Variants in CA13 observed in about 807,000 individuals in gnomAD.
CA13 encodes carbonic anhydrase 13, also known as CA-XIII.
CA13 carries 21 observed loss-of-function variants against 31.5 expected under a neutral mutation model. The observed-to-expected ratio is 0.67, with a 90% confidence interval of 0.47 to 0.96. The LOEUF (loss-of-function observed/expected upper bound fraction) is 0.96, where lower values mean the gene tolerates loss of function less well. CA13 is among the 40% of genes least tolerant of loss of function. The pLI is 0.00. For synonymous variants in CA13, 117 were observed against 111.4 expected, an observed-to-expected ratio of 1.05 and a Z score of -0.32; for missense variants, 315 against 318.9, an observed-to-expected ratio of 0.99 and a Z score of 0.09.
chr8:85,282,585 A>G lies in CA13; in HGVS notation c.*1236A>G, dbSNP rs1249509517. On this transcript the variant is annotated 3_prime_UTR_variant, in exon 7 of 7. Coordinates refer to ENST00000321764, the MANE Select transcript of CA13 (RefSeq NM_198584.3). The stretch of plus-strand genomic sequence containing the variant: ...AAAAAATTACTTCAGTCTCATATAA[A>G]TATAGAATGGGTCCATAAACCCTTC... 1 of 152,242 alleles carries G rather than the reference A, an allele frequency of 6.6e-6. No individual in the cohort carries two copies. The allele number at this position is 152,242 out of a possible 1,614,324, so 9.4% of individuals were successfully genotyped here.
intron 6 of CA13, among the ~76,000 whole-genome samples, chr8:85,274,000 C>T (rs1186964376): frequency 5.3e-5 from 8 of 151,952 alleles, no homozygotes; most frequent in Non-Finnish European, 1.2e-4. Context: ...GCCTCCGTCT[C>T]GGTCTTCAGG....
chr8:85,272,383 G>A (rs1807538864), intron 6 of CA13, among the ~76,000 whole-genome samples: 1 of 152,002 alleles, frequency 6.6e-6, no homozygotes, highest in South Asian at 2.1e-4. Context: ...AGCCTCCTGA[G>A]TAGCTGGAAC....
At chr8:85,251,147 G>T (rs978262720) in intron 2 of CA13, among the ~76,000 whole-genome samples, 4 of 151,920 alleles carry the variant, frequency 2.6e-5, no homozygotes, top group African/African-American at 4.8e-5. Context: ...GATTACAGGC[G>T]CACGCCACTA....
chr8:85,248,619 T>G (rs956970598), intron 1 of CA13, among the ~76,000 whole-genome samples: 18 of 151,918 alleles, frequency 1.2e-4, no homozygotes, highest in Admixed American at 3.3e-4. Flanking sequence ...AAATTTTTTT[T>G]GGAAAAATTG....
At chr8:85,276,263 G>A (rs963893012) in intron 6 of CA13, among the ~76,000 whole-genome samples, 1 of 152,098 alleles carries the variant, frequency 6.6e-6, no homozygotes, top group Non-Finnish European at 1.5e-5. Context: ...CCTCCCCCCG[G>A]GGCAGGGCTC....
chr8:85,249,275 G>A (rs373086628), intron 1 of CA13, among the ~76,000 whole-genome samples: 3 of 152,186 alleles, frequency 2.0e-5, no homozygotes, highest in Admixed American at 1.3e-4. Context: ...GAGACATGCG[G>A]ATCACTTGAG....
At chr8:85,254,184 A>G (rs918557151) in intron 2 of CA13, among the ~76,000 whole-genome samples, 4 of 151,572 alleles carry the variant, frequency 2.6e-5, no homozygotes, top group African/African-American at 7.3e-5. Flanking sequence ...AGGCTGAGGT[A>G]GGAGAATGGC....
intron 2 of CA13, among the ~76,000 whole-genome samples, chr8:85,258,240 C>T (rs1342838486): frequency 6.6e-6 from 1 of 151,904 alleles, no homozygotes; most frequent in Non-Finnish European, 1.5e-5. Context: ...ATGCTTTAAA[C>T]ATGCCCAATA....
intron 6 of CA13, among the ~76,000 whole-genome samples, chr8:85,272,832 GT>G: frequency 6.6e-6 from 1 of 151,050 alleles, no homozygotes; most frequent in African/African-American, 2.4e-5. Flanking sequence ...TTTTCTTTTT[GT>G]TTCTGAAGGA....
intron 1 of CA13, chr8:85,246,362 C>T (rs1484557741): frequency 2.2e-6 from 1 of 456,024 alleles, no homozygotes; most frequent in Non-Finnish European, 4.4e-6. Flanking sequence ...AAGTTGGCTT[C>T]GTGGCAAACA....
Position 85,245,809 on chromosome 8 carries a change from T to G in CA13, c.-20T>G, listed in dbSNP as rs2129934153. The G allele has an allele frequency of 6.2e-7, 1 of 1,613,876 alleles. No individual in the cohort carries two copies. Among genetic ancestry groups the G allele is most frequent in the South Asian group, 1.1e-5 (1 of 91,062 alleles). On this transcript the variant is annotated 5_prime_UTR_variant, in exon 1 of 7. Coordinates refer to ENST00000321764, the MANE Select transcript of CA13 (RefSeq NM_198584.3). ...TCGCTGCTCAGTCACATCTTTCTCT[T>G]CCTTCCACCCCGAGGGACCATGTCG...
At chr8:85,269,449 T>G (rs1311862858) in intron 6 of CA13, among the ~76,000 whole-genome samples, 1 of 152,148 alleles carries the variant, frequency 6.6e-6, no homozygotes, top group South Asian at 2.1e-4. Flanking sequence ...AAAAAAAATT[T>G]TTTTTGTTAA....
At chr8:85,267,840 AT>A in intron 4 of CA13, 61 bp from the exon 5 acceptor site, 2 of 958,312 alleles carry the variant, frequency 2.1e-6, no homozygotes, top group Non-Finnish European at 3.2e-6. Context: ...AGTGGCTGAA[AT>A]TGAGTGATTC....
intron 3 of CA13, among the ~76,000 whole-genome samples, chr8:85,263,954 C>T (rs1008864143): frequency 2.0e-5 from 3 of 152,002 alleles, no homozygotes; most frequent in Non-Finnish European, 2.9e-5. Flanking sequence ...CATCAAGTTA[C>T]GTTCCCTTGT....
At chr8:85,264,027 A>G (rs1273765074) in intron 3 of CA13, among the ~76,000 whole-genome samples, 3 of 152,242 alleles carry the variant, frequency 2.0e-5, no homozygotes, top group East Asian at 3.8e-4. Context: ...ATACAACTTT[A>G]ATTTTAGGCC....
chr8:85,270,705 G>A (rs1807516732), intron 6 of CA13, among the ~76,000 whole-genome samples: 1 of 152,080 alleles, frequency 6.6e-6, no homozygotes. Flanking sequence ...ATTTCTTAAA[G>A]CCACTTGGAA....
At chr8:85,247,725 C>A (rs1056756244) in intron 1 of CA13, among the ~76,000 whole-genome samples, 1 of 152,078 alleles carries the variant, frequency 6.6e-6, no homozygotes. Flanking sequence ...CATGAGCCAC[C>A]ATGCCTGGCT....
intron 2 of CA13, among the ~76,000 whole-genome samples, chr8:85,258,687 G>A (rs907258371): frequency 7.6e-6 from 1 of 132,200 alleles, no homozygotes; most frequent in Non-Finnish European, 1.5e-5. Context: ...TGTAATCCTA[G>A]CACTTTGGGA....
chr8:85,252,072 A>G (rs1002948545), intron 2 of CA13, among the ~76,000 whole-genome samples: 4 of 152,160 alleles, frequency 2.6e-5, no homozygotes, highest in African/African-American at 9.7e-5. Flanking sequence ...AGCTTGGGCA[A>G]CATAGTGAGA....
Sources: allele counts gnomAD v4.1 joint callset (sites outside exome capture counted in the v4.1 genomes callset), GRCh38; gene constraint gnomAD v4.1.1; transcripts MANE v1.5; gene names NCBI Gene and HGNC (gene_info 2026-07-23, HGNC 2026-07-21).